Variants in SRBD1 observed in about 807,000 individuals in gnomAD.
SRBD1 encodes the protein S1 RNA-binding domain-containing protein 1.
In SRBD1, 88 loss-of-function variants were observed where a neutral mutation model predicts 115.3. That is an observed-to-expected ratio of 0.76 (90% CI 0.64 to 0.91). The LOEUF (loss-of-function observed/expected upper bound fraction) is 0.91. SRBD1 is among the 40% of genes least tolerant of loss of function. The pLI is 0.00. For missense variants in SRBD1, 1,385 were observed against 1,177.4 expected (o/e 1.18, Z -2.58); for synonymous variants, 509 against 407.7 (o/e 1.25, Z -2.99).
At chr2:45,593,043 T>C (rs1335530497) in intron 4 of SRBD1, among the ~76,000 whole-genome samples, 1 of 152,194 alleles carries the variant, frequency 6.6e-6, no homozygotes, top group Non-Finnish European at 1.5e-5. Flanking sequence ...TTATTACTTT[T>C]ATATTTTTTA....
chr2:45,500,884 T>G (rs1222903639), intron 14 of SRBD1, among the ~76,000 whole-genome samples: 1 of 152,180 alleles, frequency 6.6e-6, no homozygotes, highest in African/African-American at 2.4e-5. Flanking sequence ...ATGCTCTTTA[T>G]ATATTTCTCT....
chr2:45,453,562 A>G (rs1458556860), intron 16 of SRBD1, among the ~76,000 whole-genome samples: 2 of 151,950 alleles, frequency 1.3e-5, no homozygotes, highest in African/African-American at 4.8e-5. Flanking sequence ...ATACATGGAG[A>G]GAAAAAATGT....
chr2:45,424,682 C>G (rs1373454491), intron 16 of SRBD1, among the ~76,000 whole-genome samples: 2 of 152,046 alleles, frequency 1.3e-5, no homozygotes, highest in Non-Finnish European at 2.9e-5. Context: ...TATACCCAAA[C>G]AGAAGTGATG....
chr2:45,536,538 TATAATA>T (rs1268016326), intron 14 of SRBD1, among the ~76,000 whole-genome samples: 1 of 152,154 alleles, frequency 6.6e-6, no homozygotes, highest in Non-Finnish European at 1.5e-5. Context: ...GAAATAAGAT[TATAATA>T]AAGTTTTATC....
In SRBD1 at chr2:45,545,283, TAAAAAAAAAAAAAAAAAA is replaced by T. The variant is rs56909656; in HGVS notation, c.1874+1431_1874+1448del. On this transcript the variant is annotated intron_variant, in intron 14 of 20. Transcript: ENST00000263736. ...TGACAGAGCGAGACTCTGTCTCAATTAAAAAAAAAAAAAAAAAAAAAAAAAAAAAAAACAGATGAACCC... is the reference window on the plus strand; with the variant it reads ...TGACAGAGCGAGACTCTGTCTCAATTAAAAAAAAAAAAAACAGATGAACCC... 6.4e-4 allele frequency among the ~76,000 whole-genome samples: 44 copies of T among 68,590 alleles called. 1 individual carries two copies. The highest frequency in any genetic ancestry group is 6.1e-3 in the Admixed American group (31 of 5,048). 45.0% of individuals were successfully genotyped at this position (68,590 alleles called of 152,430 possible). A position where few individuals can be genotyped will look rare whatever the true frequency, so the allele number is the denominator to read the frequency against.
At chr2:45,391,291 T>C (rs1666991666) in intron 20 of SRBD1, among the ~76,000 whole-genome samples, 1 of 152,222 alleles carries the variant, frequency 6.6e-6, no homozygotes, top group African/African-American at 2.4e-5. Context: ...TCTGGACTGC[T>C]TCTAATAAAC....
intron 19 of SRBD1, among the ~76,000 whole-genome samples, chr2:45,396,502 TCTTA>T (rs1218882972): frequency 6.6e-6 from 1 of 152,196 alleles, no homozygotes; most frequent in Non-Finnish European, 1.5e-5. Flanking sequence ...ATTTCATCCA[TCTTA>T]CTTAAAGTAA....
chr2:45,484,866 C>T lies in SRBD1; in HGVS notation c.1966+3374G>A, dbSNP rs534422675. Among the ~76,000 whole-genome samples, 14 of 152,260 alleles carry T rather than the reference C, an allele frequency of 9.2e-5. 1 individual carries two copies. The South Asian group carries it at 2.9e-3, about 32-fold the overall frequency. ...AGTCTTTTGGGATTGGCTTCTTTTA[C>T]TTATGTTGGCATGACATTTTTGAGG... is the stretch of plus-strand genomic sequence containing the variant. On this transcript the variant is annotated intron_variant, in intron 15 of 20. Coordinates refer to ENST00000263736, the MANE Select transcript of SRBD1 (RefSeq NM_018079.5).
chr2:45,468,037 A>C (rs1669540893), intron 16 of SRBD1, among the ~76,000 whole-genome samples: 1 of 152,138 alleles, frequency 6.6e-6, no homozygotes, highest in Non-Finnish European at 1.5e-5. Context: ...CTCCTGGTGT[A>C]CCTCTCCCAG....
At chr2:45,572,594 T>C (rs1673053247) in intron 9 of SRBD1, among the ~76,000 whole-genome samples, 1 of 152,078 alleles carries the variant, frequency 6.6e-6, no homozygotes. Flanking sequence ...GGGCACTAGA[T>C]AGTAACTTGA....
At chr2:45,404,182 C>A (rs748448624) in intron 19 of SRBD1, among the ~76,000 whole-genome samples, 4 of 151,978 alleles carry the variant, frequency 2.6e-5, no homozygotes, top group Non-Finnish European at 4.4e-5. Flanking sequence ...AACTGAGAAG[C>A]TGAAAGGATG....
intron 14 of SRBD1, among the ~76,000 whole-genome samples, chr2:45,490,342 C>G (rs1170260623): frequency 6.6e-6 from 1 of 152,086 alleles, no homozygotes; most frequent in Non-Finnish European, 1.5e-5. Flanking sequence ...TATAAATTTT[C>G]CCCCAAGGAA....
At chr2:45,502,194 T>C (rs1670655333) in intron 14 of SRBD1, among the ~76,000 whole-genome samples, 1 of 152,198 alleles carries the variant, frequency 6.6e-6, no homozygotes, top group Admixed American at 6.5e-5. Flanking sequence ...GGAGTGGACC[T>C]CCAGCAAACT....
chr2:45,605,266 C>G, intron 2 of SRBD1, 96 bp downstream of exon 2: 1 of 1,242,842 alleles, frequency 8.0e-7, no homozygotes, highest in Non-Finnish European at 1.1e-6. Flanking sequence ...TTTTTTCTAC[C>G]CACATCACTT....
chr2:45,566,569 T>C (rs187800195), intron 9 of SRBD1, among the ~76,000 whole-genome samples: 121 of 152,274 alleles, frequency 7.9e-4, no homozygotes, highest in Non-Finnish European at 8.8e-4. Context: ...GGGAGAAAAA[T>C]GTCCTAAAAT....
At chr2:45,595,902 G>A (rs905934436) in intron 4 of SRBD1, among the ~76,000 whole-genome samples, 5 of 152,114 alleles carry the variant, frequency 3.3e-5, no homozygotes, top group Non-Finnish European at 7.3e-5. Context: ...CAGCAAAGGT[G>A]GCAGCGTCCC....
intron 14 of SRBD1, among the ~76,000 whole-genome samples, chr2:45,501,554 G>T (rs1383762356): frequency 6.6e-6 from 1 of 152,166 alleles, no homozygotes; most frequent in Non-Finnish European, 1.5e-5. Flanking sequence ...GGGAAGCTGT[G>T]ACAGATGGCA....
chr2:45,576,016 G>C (rs193112457), intron 7 of SRBD1, among the ~76,000 whole-genome samples: 1 of 151,984 alleles, frequency 6.6e-6, no homozygotes. Context: ...ACTTCTACAT[G>C]GATTAATTAC....
intron 14 of SRBD1, among the ~76,000 whole-genome samples, chr2:45,531,500 C>T (rs1193820734): frequency 6.6e-6 from 1 of 151,550 alleles, no homozygotes; most frequent in African/African-American, 2.4e-5. Context: ...TATAACATTC[C>T]ATAATTTCTA....
Sources: allele counts gnomAD v4.1 joint callset (sites outside exome capture counted in the v4.1 genomes callset), GRCh38; gene constraint gnomAD v4.1.1; transcripts MANE v1.5; gene names NCBI Gene and HGNC (gene_info 2026-07-23, HGNC 2026-07-21).